C1orf159: variants seen among roughly 807,000 people sequenced by gnomAD.
The protein encoded by C1orf159 is uncharacterized protein C1orf159.
Under a neutral mutation model 25.6 loss-of-function variants are expected in C1orf159, and 19 were observed. The ratio of observed to expected loss-of-function variants is 0.74; its 90% CI spans 0.52 to 1.09. The LOEUF (loss-of-function observed/expected upper bound fraction) is 1.09. Among genes scored for constraint, C1orf159 ranks in the 50% least tolerant of loss-of-function variants. The probability of loss-of-function intolerance (pLI) is 0.00; values close to 1 mark genes in which losing one functional copy is unlikely to be tolerated. For missense variants in C1orf159, 274 were observed against 290.6 expected, an observed-to-expected ratio of 0.94 and a Z score of 0.42; for synonymous variants, 139 against 124.7, an observed-to-expected ratio of 1.12 and a Z score of -0.77.
At chr1:1,083,017 G>T in intron 9 of C1orf159, 30 bp from the exon 10 acceptor site, 1 of 1,543,924 alleles carries the variant, frequency 6.5e-7, no homozygotes, top group Non-Finnish European at 8.8e-7. Context: ...GGCGAGGTCA[G>T]AGTGGGACCT....
At position 1,089,295 on chromosome 1, in the gene C1orf159, C is replaced by T. The variant is rs1344553193; in HGVS notation, c.148+1058G>A. ...CACAGCTGCCTGCACCCACAGAGTGCCTGGGGTACACAATCCCTCACAGGA... is the reference window on the plus strand; with the variant it reads ...CACAGCTGCCTGCACCCACAGAGTGTCTGGGGTACACAATCCCTCACAGGA... On this transcript the variant is annotated intron_variant, in intron 4 of 9. Coordinates refer to ENST00000421241, the MANE Select transcript of C1orf159 (RefSeq NM_017891.5). This position sits in a 1 kb window ranked among gnomAD's most constrained non-coding sequence, Gnocchi z 7.5. Among the ~76,000 whole-genome samples the T allele has an allele frequency of 2.6e-5, 4 of 152,168 alleles. No homozygotes were observed. Among genetic ancestry groups the T allele is most frequent in the Non-Finnish European group, 5.9e-5 (4 of 68,004 alleles).
At chr1:1,103,536 C>T (rs1413130400) in intron 1 of C1orf159, among the ~76,000 whole-genome samples, 5 of 152,292 alleles carry the variant, frequency 3.3e-5, no homozygotes, top group Admixed American at 1.3e-4. Flanking sequence ...CTGCGGTGAG[C>T]GGTGGCTCAG....
chr1:1,103,762 CCTCT>C (rs1557433109), intron 1 of C1orf159, among the ~76,000 whole-genome samples: 4 of 152,154 alleles, frequency 2.6e-5, no homozygotes, highest in Non-Finnish European at 1.5e-5. Flanking sequence ...ACACATTCTC[CCTCT>C]GTCGCCCAGG....
Position 1,087,084 on chromosome 1 carries a change from CG to C in C1orf159, c.310+54del. 2 of 1,541,676 alleles carry C rather than the reference CG, an allele frequency of 1.3e-6. No homozygotes were observed. Among genetic ancestry groups the C allele is most frequent in the Non-Finnish European group, 1.8e-6 (2 of 1,131,716 alleles). On this transcript the variant is annotated intron_variant, in intron 6 of 9. Coordinates refer to ENST00000421241, the MANE Select transcript of C1orf159 (RefSeq NM_017891.5). The surrounding 1 kb of genome is among the most constrained non-coding windows in gnomAD (Gnocchi z 8.3). ...GGGTGAGGGTCTGCACTGGCTCCGA[CG>C]GCCCCCAGCCCCCAGGACACCGGCA...
At chr1:1,083,243 G>T in intron 9 of C1orf159, 1 of 466,552 alleles carries the variant, frequency 2.1e-6, no homozygotes, top group Non-Finnish European at 3.8e-6. Flanking sequence ...GCCTGGACAA[G>T]GGCCAGGCGA....
At chr1:1,084,413 A>G (rs1337833774) in intron 8 of C1orf159, 30 bp from the exon 9 acceptor site, 2 of 1,580,312 alleles carry the variant, frequency 1.3e-6, no homozygotes, top group South Asian at 1.1e-5. Flanking sequence ...CAGAGTGAGG[A>G]CTCGGGATGG....
intron 1 of C1orf159, among the ~76,000 whole-genome samples, chr1:1,104,105 G>A (rs1178250746): frequency 2.0e-5 from 3 of 151,834 alleles, no homozygotes; most frequent in East Asian, 1.9e-4. Flanking sequence ...CTCCTGCCTC[G>A]GCCTCACGAG....
chr1:1,107,717 C>T (rs568483623), intron 1 of C1orf159, among the ~76,000 whole-genome samples: 8 of 152,298 alleles, frequency 5.3e-5, no homozygotes, highest in Non-Finnish European at 1.0e-4. Flanking sequence ...AGCAGGCTGC[C>T]GGAGCCAGCA....
chr1:1,087,262 C>A lies in C1orf159; in HGVS notation c.245-58G>T. Reference sequence around the variant, plus strand: ...TGCACGGAGCCCACGGGGACACCCACGTGCACCCTGAAGGGATCTCAGGAC... The same window carrying A: ...TGCACGGAGCCCACGGGGACACCCAAGTGCACCCTGAAGGGATCTCAGGAC... On this transcript the variant is annotated intron_variant, in intron 5 of 9. Transcript: ENST00000421241. This position sits in a 1 kb window ranked among gnomAD's most constrained non-coding sequence, Gnocchi z 8.3. 6.7e-7 allele frequency: 1 copy of A among 1,503,086 alleles called. No homozygotes were observed. Among genetic ancestry groups the A allele is most frequent in the Non-Finnish European group, 9.0e-7 (1 of 1,111,458 alleles). 93.1% of individuals were successfully genotyped at this position (1,503,086 alleles called of 1,614,324 possible). A position where few individuals can be genotyped will look rare whatever the true frequency, so the allele number is the denominator to read the frequency against.
At chr1:1,091,306 C>T in intron 3 of C1orf159, 166 bp downstream of exon 3, 4 of 758,742 alleles carry the variant, frequency 5.3e-6, no homozygotes, top group African/African-American at 1.7e-5. Context: ...CTCCCCTCTG[C>T]GAGGCACAGG....
intron 1 of C1orf159, among the ~76,000 whole-genome samples, chr1:1,111,717 C>T (rs998246407): frequency 5.9e-5 from 9 of 152,282 alleles, no homozygotes; most frequent in East Asian, 1.9e-4. Context: ...AAAGGGGAGG[C>T]GGGAGGGTCC....
intron 1 of C1orf159, among the ~76,000 whole-genome samples, chr1:1,100,240 TATA>T (rs1471580557): frequency 6.6e-6 from 1 of 152,222 alleles, no homozygotes; most frequent in African/African-American, 2.4e-5. Context: ...TAATATTTAA[TATA>T]ATTATCATTA....
At chr1:1,084,263 GCAAACCCGTTTGGGGA>G (rs754631499) in intron 9 of C1orf159, 74 bp downstream of exon 9, 2 of 1,519,758 alleles carry the variant, frequency 1.3e-6, no homozygotes, top group Admixed American at 2.2e-5. Context: ...CCAGAGCCAG[GCAAACCCGTTTGGGGA>G]CAAACCCACA....
chr1:1,109,191 C>G (rs925415457), intron 1 of C1orf159, among the ~76,000 whole-genome samples: 1 of 152,156 alleles, frequency 6.6e-6, no homozygotes, highest in African/African-American at 2.4e-5. Context: ...GTGGAATATT[C>G]TACAGTCCTG....
At chr1:1,112,312 C>T (rs574898952) in intron 1 of C1orf159, among the ~76,000 whole-genome samples, 1 of 152,358 alleles carries the variant, frequency 6.6e-6, no homozygotes, top group African/African-American at 2.4e-5. Context: ...CGTTCTATGA[C>T]CTTCTAGGGA....
intron 7 of C1orf159, 75 bp from the exon 8 acceptor site, chr1:1,084,581 A>G (rs1645799840): frequency 6.5e-7 from 1 of 1,531,936 alleles, no homozygotes; most frequent in Non-Finnish European, 8.8e-7. Flanking sequence ...AGCGTCCGGG[A>G]CAGCAGAGCG....
chr1:1,092,035 C>A lies in C1orf159; in HGVS notation c.-67G>T, dbSNP rs778177103. 2.2e-6 allele frequency: 1 copy of A among 456,262 alleles called. No individual in the cohort carries two copies. The highest frequency in any genetic ancestry group is 1.5e-5 in the South Asian group (1 of 64,546). 28.3% of individuals were successfully genotyped at this position (456,262 alleles called of 1,614,324 possible). A position where few individuals can be genotyped will look rare whatever the true frequency, so the allele number is the denominator to read the frequency against. ...ACTACCGACATCAGCCCTTTGCCCG[C>A]CTGGGTGTTCAGGGGTTAGCTCTGG... On this transcript the variant is annotated 5_prime_UTR_variant, in exon 2 of 10. Coordinates refer to ENST00000421241, the MANE Select transcript of C1orf159 (RefSeq NM_017891.5).
intron 1 of C1orf159, among the ~76,000 whole-genome samples, chr1:1,098,506 T>G (rs1253048355): frequency 6.6e-6 from 1 of 152,270 alleles, no homozygotes; most frequent in Non-Finnish European, 1.5e-5. Flanking sequence ...TCCTCTGTGC[T>G]CAGAAAGCAT....
intron 4 of C1orf159, among the ~76,000 whole-genome samples, chr1:1,088,607 C>A (rs1645874084): frequency 6.6e-6 from 1 of 151,718 alleles, no homozygotes; most frequent in Non-Finnish European, 1.5e-5. Flanking sequence ...GGCCAGGGCG[C>A]CTTTAAGGAC....
Sources: allele counts gnomAD v4.1 joint callset (sites outside exome capture counted in the v4.1 genomes callset), GRCh38; gene constraint gnomAD v4.1.1; non-coding constraint Gnocchi (gnomAD v3.1); transcripts MANE v1.5; gene names NCBI Gene and HGNC (gene_info 2026-07-23, HGNC 2026-07-21).